KCTD19: variants seen among roughly 807,000 people sequenced by gnomAD.
KCTD19 encodes the protein BTB/POZ domain-containing protein KCTD19.
KCTD19 carries 67 observed loss-of-function variants against 103.5 expected under a neutral mutation model. That is an observed-to-expected ratio of 0.65 (90% CI 0.53 to 0.79). KCTD19 has a LOEUF of 0.79. KCTD19 is among the 30% of genes least tolerant of loss of function. The probability of loss-of-function intolerance (pLI) is 0.00; values close to 1 mark genes in which losing one functional copy is unlikely to be tolerated. For missense variants in KCTD19, 980 were observed against 1,136.1 expected, an observed-to-expected ratio of 0.86 and a Z score of 1.98; for synonymous variants, 439 against 452.2, an observed-to-expected ratio of 0.97 and a Z score of 0.37.
At chr16:67,291,536 G>A (rs1232819079) in intron 13 of KCTD19, 73 bp from the exon 14 acceptor site, 1 of 1,573,126 alleles carries the variant, frequency 6.4e-7, no homozygotes, top group Admixed American at 1.7e-5. Context: ...TGAGGAGGGG[G>A]AGAGGGGTAG....
intron 5 of KCTD19, among the ~76,000 whole-genome samples, 192 bp downstream of exon 5, chr16:67,301,599 G>A (rs985270318): frequency 2.6e-5 from 4 of 152,198 alleles, no homozygotes; most frequent in Admixed American, 2.6e-4. Context: ...TCAGTGGGAA[G>A]GCTGAGCCGG....
At chr16:67,312,156 G>A (rs955983440) in intron 2 of KCTD19, among the ~76,000 whole-genome samples, 10 of 152,206 alleles carry the variant, frequency 6.6e-5, no homozygotes, top group African/African-American at 2.4e-4. Flanking sequence ...TGTGAAAAAG[G>A]AAACATAAGT....
In KCTD19 at chr16:67,320,277, T is replaced by C. The variant is rs2037057579; in HGVS notation, c.300+312A>G. On this transcript the variant is annotated intron_variant, in intron 2 of 15. Transcript: ENST00000304372. The surrounding 1 kb of genome is among the most constrained non-coding windows in gnomAD (Gnocchi z 4.0). ...GGCATGCACCTGTGTTCCCAGCTAC[T>C]CAGAGGGACTGAGGTGGGAGGTGGG... Among the ~76,000 whole-genome samples the C allele has an allele frequency of 6.6e-6, 1 of 152,156 alleles. No individual in the cohort carries two copies. Among genetic ancestry groups the C allele is most frequent in the Admixed American group, 6.5e-5 (1 of 15,274 alleles).
intron 8 of KCTD19, 110 bp from the exon 9 acceptor site, chr16:67,295,515 A>C (rs1043351538): frequency 2.9e-6 from 3 of 1,036,096 alleles, no homozygotes; most frequent in Non-Finnish European, 4.2e-6. Context: ...AGAGGCTTTG[A>C]GATTCCATTT....
rs561986267 is a variant in KCTD19 at position 67,314,917 on chromosome 16, G to GCAAACACA, written c.300+5664_300+5671dup. Among the ~76,000 whole-genome samples, 4 of 144,814 alleles carry GCAAACACA rather than the reference G, an allele frequency of 2.8e-5. No homozygotes were observed. The South Asian group carries it at 8.7e-4, about 31-fold the overall frequency. ...GTCACCCAGGCTGGAACACAGTGGT[G>GCAAACACA]CAAACACAGTTCATTGCAGCCTTGA... On this transcript the variant is annotated intron_variant, in intron 2 of 15. Coordinates refer to ENST00000304372, the MANE Select transcript of KCTD19 (RefSeq NM_001100915.3).
intron 1 of KCTD19, chr16:67,321,736 C>G (rs1161756676): frequency 6.6e-6 from 1 of 152,138 alleles, no homozygotes; most frequent in Non-Finnish European, 1.5e-5. Context: ...CCTACGTTCT[C>G]CTACAACGGA....
chr16:67,311,149 G>A (rs2036944960), intron 2 of KCTD19, among the ~76,000 whole-genome samples: 1 of 152,200 alleles, frequency 6.6e-6, no homozygotes, highest in African/African-American at 2.4e-5. Context: ...GTACAGCCCA[G>A]TGAGGGAGAA....
intron 2 of KCTD19, among the ~76,000 whole-genome samples, chr16:67,314,043 G>A (rs1369687042): frequency 5.3e-5 from 8 of 151,958 alleles, no homozygotes; most frequent in Non-Finnish European, 1.0e-4. Flanking sequence ...TTTTTGTAGA[G>A]ATGATGTCTC....
chr16:67,307,981 G>T (rs2036911255), intron 2 of KCTD19, among the ~76,000 whole-genome samples: 1 of 151,892 alleles, frequency 6.6e-6, no homozygotes, highest in African/African-American at 2.4e-5. Context: ...CCTTCCACTT[G>T]TCATGTAACT....
intron 12 of KCTD19, 52 bp from the exon 13 acceptor site, chr16:67,291,889 T>C: frequency 2.2e-6 from 3 of 1,349,362 alleles, no homozygotes; most frequent in Non-Finnish European, 3.0e-6. Context: ...AAATTTTTTT[T>C]CAAGATAGAG....
Position 67,295,346 on chromosome 16 carries a change from C to T in KCTD19, c.1308G>A (p.Leu436=). The change falls in exon 9 of 16, where the codon CTG becomes CTA. Residue 436 remains leucine (L), a synonymous_variant. Transcript: ENST00000304372. The part of the protein sequence containing the change: ...RVYWITYGQT[L]LIHGDGQMFR... ...ACATCTGGCCATCCCCGTGGATGAG[C>T]AGGGTTTGTCCATATGTGATCCAGT... is the stretch of plus-strand genomic sequence containing the variant. 1 of 1,614,138 alleles carries T rather than the reference C, an allele frequency of 6.2e-7. No individual in the cohort carries two copies. Among genetic ancestry groups the T allele is most frequent in the Non-Finnish European group, 8.5e-7 (1 of 1,180,022 alleles).
Position 67,293,309 on chromosome 16 carries a change from C to T in KCTD19, c.2218+235G>A, listed in dbSNP as rs2036721021. Among the ~76,000 whole-genome samples the T allele has an allele frequency of 6.6e-6, 1 of 152,188 alleles. No individual in the cohort carries two copies. The highest frequency in any genetic ancestry group is 2.1e-4 in the South Asian group (1 of 4,828). On this transcript the variant is annotated intron_variant, in intron 12 of 15. Coordinates refer to ENST00000304372, the MANE Select transcript of KCTD19 (RefSeq NM_001100915.3). This position sits in a 1 kb window ranked among gnomAD's most constrained non-coding sequence, Gnocchi z 4.0. ...GCCCTCAGCCTCTTTTGTGCTCCTG[C>T]TTCATAGGCACCTCCTTCCCACAGC...
At position 67,293,947 on chromosome 16, in the gene KCTD19, A is replaced by G. The variant is rs1597392534; in HGVS notation, c.1815T>C (p.Pro605=). 6.2e-7 allele frequency: 1 copy of G among 1,614,068 alleles called. No homozygotes were observed. Among genetic ancestry groups the G allele is most frequent in the Non-Finnish European group, 8.5e-7 (1 of 1,180,020 alleles). Residue 605 remains proline, a synonymous_variant, in exon 12 of 16, where the codon CCT becomes CCC. Coordinates refer to ENST00000304372, the MANE Select transcript of KCTD19 (RefSeq NM_001100915.3). The surrounding 1 kb of genome is among the most constrained non-coding windows in gnomAD (Gnocchi z 4.0). Reference sequence around the variant, plus strand: ...TGCATTTCTTCTTTGGGGGGCTCTCAGGGTGGCTCCCCCAGTGTCCAGGAT... The same window carrying G: ...TGCATTTCTTCTTTGGGGGGCTCTCGGGGTGGCTCCCCCAGTGTCCAGGAT... The part of the protein sequence containing the change: ...CTNPGHWGSH[P]ESPPKKKCTT...
At chr16:67,290,079 C>T (rs1017363714) in intron 15 of KCTD19, among the ~76,000 whole-genome samples, 3 of 150,662 alleles carry the variant, frequency 2.0e-5, no homozygotes, top group East Asian at 1.9e-4. Flanking sequence ...TAAATCGTTT[C>T]GGCCTCAATG....
At chr16:67,304,661 G>T in intron 2 of KCTD19, 90 bp from the exon 3 acceptor site, 2 of 1,194,598 alleles carry the variant, frequency 1.7e-6, no homozygotes, top group Non-Finnish European at 2.4e-6. Context: ...AACAGTATGT[G>T]ACTTACTTTT....
At chr16:67,324,317 T>C (rs2037106810) in intron 1 of KCTD19, among the ~76,000 whole-genome samples, 1 of 152,138 alleles carries the variant, frequency 6.6e-6, no homozygotes, top group African/African-American at 2.4e-5. Flanking sequence ...TTTTAAAGGG[T>C]AGTAAATAGT....
chr16:67,298,285 G>T (rs542539876), intron 6 of KCTD19, among the ~76,000 whole-genome samples: 3 of 152,044 alleles, frequency 2.0e-5, no homozygotes, highest in Non-Finnish European at 4.4e-5. Flanking sequence ...GAGCCACCGC[G>T]CCCAGCCCGT....
chr16:67,291,235 C>A, intron 14 of KCTD19, 74 bp downstream of exon 14: 1 of 1,542,048 alleles, frequency 6.5e-7, no homozygotes, highest in Non-Finnish European at 8.8e-7. Context: ...TTGCCTTGCA[C>A]CACTTATTGT....
chr16:67,296,398 A>T (rs1311500047), intron 7 of KCTD19, 139 bp from the exon 8 acceptor site: 1 of 639,984 alleles, frequency 1.6e-6, no homozygotes, highest in Non-Finnish European at 2.9e-6. Flanking sequence ...TCTGAGAAGC[A>T]GCAGAAATCC....
Sources: allele counts gnomAD v4.1 joint callset (sites outside exome capture counted in the v4.1 genomes callset), GRCh38; gene constraint gnomAD v4.1.1; non-coding constraint Gnocchi (gnomAD v3.1); transcripts MANE v1.5; gene names NCBI Gene and HGNC (gene_info 2026-07-23, HGNC 2026-07-21).